The following PEX5L variants were observed in gnomAD, a reference collection of about 807,000 sequenced individuals.
The protein encoded by PEX5L is peroxisomal biogenesis factor 5 like.
PEX5L carries 30 observed loss-of-function variants against 84.0 expected under a neutral mutation model. The observed-to-expected ratio is 0.36, with a 90% confidence interval of 0.27 to 0.48. PEX5L has a LOEUF of 0.48. Ranked by LOEUF, PEX5L falls within the 20% of genes least tolerant of loss-of-function variation. The pLI, the probability that PEX5L is intolerant of heterozygous loss-of-function variation, is 0.99. For synonymous variants in PEX5L, 270 were observed against 283.1 expected (o/e 0.95, Z 0.46); for missense variants, 533 against 754.6 (o/e 0.71, Z 3.44).
chr3:179,807,533 GA>G (rs1332518216), intron 14 of PEX5L, 140 bp downstream of exon 14: 13 of 735,340 alleles, frequency 1.8e-5, no homozygotes, highest in Non-Finnish European at 2.9e-5. Context: ...CTTGGGATCT[GA>G]AGGCTCCACA....
chr3:179,953,975 T>C (rs1450426308), intron 2 of PEX5L, among the ~76,000 whole-genome samples: 2 of 152,200 alleles, frequency 1.3e-5, no homozygotes, highest in African/African-American at 4.8e-5. Flanking sequence ...ACTATTTTGC[T>C]TCCTTTTATC....
intron 8 of PEX5L, among the ~76,000 whole-genome samples, chr3:179,830,717 G>A (rs1204904752): frequency 6.6e-6 from 1 of 152,156 alleles, no homozygotes. Flanking sequence ...AAGGATACTA[G>A]GCATTTGATC....
intron 1 of PEX5L, among the ~76,000 whole-genome samples, chr3:179,984,784 A>T (rs190997020): frequency 6.6e-6 from 1 of 152,308 alleles, no homozygotes; most frequent in East Asian, 1.9e-4. Context: ...CTTAGTATAT[A>T]TCTGAATTGT....
intron 6 of PEX5L, among the ~76,000 whole-genome samples, chr3:179,874,742 T>TG (rs1751711223): frequency 7.7e-6 from 1 of 129,832 alleles, no homozygotes; most frequent in Non-Finnish European, 1.6e-5. Context: ...TTTTTTGTTT[T>TG]TTTTTTTTTT....
At chr3:179,806,648 T>C (rs1721414650) in intron 14 of PEX5L, among the ~76,000 whole-genome samples, 1 of 152,210 alleles carries the variant, frequency 6.6e-6, no homozygotes, top group Admixed American at 6.5e-5. Flanking sequence ...GTAATAAGGA[T>C]GATGATGGCA....
At position 180,036,745 on chromosome 3, in the gene PEX5L, C is replaced by T. The variant is rs948771288; in HGVS notation, c.-146G>A. ...CCCCCTGGAGCTCCGGGTACTCGGC[C>T]GGCCGGCGGCCACTCGGCAGCGCTG... On this transcript the variant is annotated 5_prime_UTR_variant, in exon 1 of 15. Transcript: ENST00000467460. The T allele has an allele frequency of 1.4e-5, 11 of 794,876 alleles. No individual in the cohort carries two copies. In the African/African-American group the frequency reaches 1.7e-4, roughly 12 times the overall value. 49.2% of individuals were successfully genotyped at this position (794,876 alleles called of 1,614,324 possible). A position where few individuals can be genotyped will look rare whatever the true frequency, so the allele number is the denominator to read the frequency against.
At chr3:179,820,070 G>A (rs751890745) in intron 8 of PEX5L, 94 bp from the exon 9 acceptor site, 268 of 1,564,800 alleles carry the variant, frequency 1.7e-4, no homozygotes, top group Non-Finnish European at 2.1e-4. Context: ...AGAGGCTTCT[G>A]GGGAGGAATA....
intron 1 of PEX5L, among the ~76,000 whole-genome samples, chr3:180,019,316 A>C (rs1480473305): frequency 1.3e-5 from 2 of 152,226 alleles, no homozygotes; most frequent in Non-Finnish European, 2.9e-5. Context: ...ATAAATGCAT[A>C]AATATTCCTC....
chr3:179,923,584 A>G (rs1770505152), intron 2 of PEX5L, among the ~76,000 whole-genome samples: 1 of 152,224 alleles, frequency 6.6e-6, no homozygotes, highest in Admixed American at 6.5e-5. Context: ...CCTTCAAGTG[A>G]TTCTATGCAT....
In PEX5L at chr3:179,868,042, CTT is replaced by C. The variant is rs71628101; in HGVS notation, c.726+6283_726+6284del. 1.7e-3 allele frequency among the ~76,000 whole-genome samples: 195 copies of C among 116,370 alleles called. 3 individuals carry two copies. The Middle Eastern group carries it at 0.019, about 11-fold the overall frequency. The allele number at this position is 116,370 out of a possible 152,430, so 76.3% of individuals were successfully genotyped here. A position where few individuals can be genotyped will look rare whatever the true frequency, so the allele number is the denominator to read the frequency against. ...TTATGTATTTATTCTTCTTCTTCTT[CTT>C]TTTTTTTTTTTTTTTTTTTAGAGAT... On this transcript the variant is annotated intron_variant, in intron 7 of 14. Coordinates refer to ENST00000467460, the MANE Select transcript of PEX5L (RefSeq NM_016559.3).
intron 1 of PEX5L, among the ~76,000 whole-genome samples, chr3:179,996,493 C>T (rs1267695170): frequency 6.6e-6 from 1 of 152,062 alleles, no homozygotes; most frequent in Non-Finnish European, 1.5e-5. Flanking sequence ...GCCTGATTTC[C>T]CTTGGCTTAA....
At chr3:179,910,505 T>C (rs1359182012) in intron 2 of PEX5L, among the ~76,000 whole-genome samples, 1 of 152,230 alleles carries the variant, frequency 6.6e-6, no homozygotes, top group Non-Finnish European at 1.5e-5. Context: ...ATAGTTGATA[T>C]GTATGTAAAC....
At chr3:179,902,760 C>A in intron 2 of PEX5L, 2 of 406,396 alleles carry the variant, frequency 4.9e-6, no homozygotes, top group Non-Finnish European at 9.7e-6. Flanking sequence ...TTACTGCTAC[C>A]AAGGAATTTG....
chr3:179,857,011 T>G (rs1744263416), intron 8 of PEX5L, among the ~76,000 whole-genome samples: 1 of 152,180 alleles, frequency 6.6e-6, no homozygotes, highest in South Asian at 2.1e-4. Context: ...TTTCTTTATC[T>G]TTAGAACCTA....
chr3:179,993,071 T>C (rs867111219), intron 1 of PEX5L, among the ~76,000 whole-genome samples: 6 of 152,040 alleles, frequency 3.9e-5, no homozygotes, highest in South Asian at 2.1e-4. Flanking sequence ...ATGTTCACTA[T>C]AGAAAATATA....
intron 1 of PEX5L, among the ~76,000 whole-genome samples, chr3:180,005,941 A>G (rs569159695): frequency 2.6e-4 from 40 of 152,276 alleles, no homozygotes; most frequent in Non-Finnish European, 5.0e-4. Flanking sequence ...TACAAATGTG[A>G]TATATCATTA....
intron 2 of PEX5L, among the ~76,000 whole-genome samples, chr3:179,905,035 A>AT (rs568003264): frequency 2.0e-3 from 301 of 152,176 alleles, no homozygotes; most frequent in Admixed American, 2.9e-3. Context: ...CTTTGAAACA[A>AT]TTTTTTTTAA....
chr3:179,972,225 C>T (rs1161613097), intron 1 of PEX5L, among the ~76,000 whole-genome samples: 1 of 149,964 alleles, frequency 6.7e-6, no homozygotes, highest in East Asian at 1.9e-4. Flanking sequence ...AAATAATTTA[C>T]AAAATTAGGT....
intron 10 of PEX5L, among the ~76,000 whole-genome samples, chr3:179,812,425 T>G (rs1442123529): frequency 1.3e-5 from 2 of 152,150 alleles, no homozygotes; most frequent in African/African-American, 4.8e-5. Context: ...TATAACACAA[T>G]CATAATGTAG....
Sources: gnomAD v4.1 joint callset for allele counts (sites outside exome capture counted in the v4.1 genomes callset) on GRCh38, gnomAD v4.1.1 for gene constraint, MANE v1.5 for transcripts, NCBI Gene and HGNC (gene_info 2026-07-23, HGNC 2026-07-21) for gene names.